The following MAGI2 variants were observed in gnomAD, a reference collection of about 807,000 sequenced individuals.
MAGI2 encodes membrane-associated guanylate kinase, WW and PDZ domain-containing protein 2.
A neutral mutation model predicts 133.3 loss-of-function variants in MAGI2; 35 were observed. The ratio of observed to expected loss-of-function variants is 0.26; its 90% CI spans 0.20 to 0.35. The LOEUF is 0.35. Among genes scored for constraint, MAGI2 ranks in the 10% least tolerant of loss-of-function variants. MAGI2 has a pLI of 1.00. For synonymous variants in MAGI2, 729 were observed against 710.6 expected (o/e 1.03, Z -0.41); for missense variants, 1,636 against 1,863.4 (o/e 0.88, Z 2.25).
chr7:79,074,682 A>T (rs1029031614), intron 1 of MAGI2, among the ~76,000 whole-genome samples: 1 of 152,212 alleles, frequency 6.6e-6, no homozygotes, highest in Admixed American at 6.5e-5. Flanking sequence ...GTGAAAATCA[A>T]TGTGAGGATA....
At chr7:78,827,553 A>G (rs531875255) in intron 2 of MAGI2, among the ~76,000 whole-genome samples, 2 of 152,310 alleles carry the variant, frequency 1.3e-5, no homozygotes, top group East Asian at 1.9e-4. Context: ...CTGGGAATAC[A>G]TGGCGGCTCA....
At chr7:78,421,498 T>A (rs1386866070) in intron 6 of MAGI2, among the ~76,000 whole-genome samples, 1 of 152,046 alleles carries the variant, frequency 6.6e-6, no homozygotes, top group Non-Finnish European at 1.5e-5. Flanking sequence ...TCGTCACATA[T>A]AAAAAAATAA....
chr7:78,545,640 G>T (rs1391993408), intron 3 of MAGI2, among the ~76,000 whole-genome samples: 2 of 152,168 alleles, frequency 1.3e-5, no homozygotes, highest in South Asian at 4.1e-4. Flanking sequence ...TAATGACATT[G>T]TTGGTAGAAT....
chr7:79,122,723 C>A (rs1820016570), intron 1 of MAGI2, among the ~76,000 whole-genome samples: 1 of 151,488 alleles, frequency 6.6e-6, no homozygotes, highest in South Asian at 2.1e-4. Context: ...TGACTCACTG[C>A]AACCTCCGCC....
intron 2 of MAGI2, among the ~76,000 whole-genome samples, chr7:78,878,795 G>A (rs192455685): frequency 3.3e-5 from 5 of 152,282 alleles, no homozygotes; most frequent in Admixed American, 1.3e-4. Context: ...TGCCCAGGCA[G>A]ATCTTCATAC....
intron 1 of MAGI2, among the ~76,000 whole-genome samples, chr7:79,404,854 T>G (rs989170989): frequency 1.3e-5 from 2 of 152,134 alleles, no homozygotes; most frequent in Non-Finnish European, 2.9e-5. Context: ...AGGTCCACCT[T>G]CCTAAGGGGA....
chr7:79,081,823 AC>A (rs1390626680), intron 1 of MAGI2, among the ~76,000 whole-genome samples: 1 of 152,042 alleles, frequency 6.6e-6, no homozygotes, highest in African/African-American at 2.4e-5. Context: ...TCAGACATAG[AC>A]CCTTCATAAA....
chr7:78,913,456 C>T (rs1798565433), intron 2 of MAGI2, among the ~76,000 whole-genome samples: 1 of 152,108 alleles, frequency 6.6e-6, no homozygotes, highest in Non-Finnish European at 1.5e-5. Flanking sequence ...AGAAGCTGAG[C>T]AGAAACCACT....
At chr7:78,873,855 G>A (rs1439456653) in intron 2 of MAGI2, among the ~76,000 whole-genome samples, 1 of 151,986 alleles carries the variant, frequency 6.6e-6, no homozygotes. Flanking sequence ...GCAGCATAGA[G>A]CAAAGGAGAG....
chr7:78,701,819 C>T (rs934576503), intron 2 of MAGI2, among the ~76,000 whole-genome samples: 6 of 151,972 alleles, frequency 3.9e-5, no homozygotes, highest in Admixed American at 6.6e-5. Flanking sequence ...CACGTTTTCA[C>T]TTTTCCTTAA....
chr7:78,503,095 T>C (rs1794763100), intron 4 of MAGI2, among the ~76,000 whole-genome samples: 1 of 152,090 alleles, frequency 6.6e-6, no homozygotes, highest in East Asian at 1.9e-4. Flanking sequence ...ACCTTTTATC[T>C]GTAATACTCT....
intron 21 of MAGI2, chr7:78,072,624 C>T (rs1814831044): frequency 3.4e-6 from 1 of 296,914 alleles, no homozygotes; most frequent in Non-Finnish European, 6.1e-6. Context: ...AAAGGATGTA[C>T]TCAGCAGATA....
chr7:78,802,023 A>G (rs1395967669), intron 2 of MAGI2, among the ~76,000 whole-genome samples: 1 of 152,184 alleles, frequency 6.6e-6, no homozygotes. Flanking sequence ...TGAATAATCC[A>G]TTATCAAGAG....
intron 1 of MAGI2, among the ~76,000 whole-genome samples, chr7:79,155,260 A>ATTTCCTATGATC (rs1554386310): frequency 3.3e-5 from 5 of 151,718 alleles, no homozygotes; most frequent in African/African-American, 4.8e-5. Flanking sequence ...TGAATAATCA[A>ATTTCCTATGATC]TTTCACTTAT....
intron 2 of MAGI2, among the ~76,000 whole-genome samples, chr7:78,691,972 A>T (rs1007268465): frequency 6.6e-5 from 10 of 152,192 alleles, no homozygotes; most frequent in African/African-American, 2.2e-4. Context: ...TGGGCATGTT[A>T]ATAATGGGAA....
At chr7:78,781,386 A>G (rs1826386817) in intron 2 of MAGI2, among the ~76,000 whole-genome samples, 1 of 151,368 alleles carries the variant, frequency 6.6e-6, no homozygotes, top group South Asian at 2.1e-4. Flanking sequence ...CTCACAAAAA[A>G]AAAAAAAAAA....
chr7:78,169,543 G>T (rs543150961), intron 14 of MAGI2, among the ~76,000 whole-genome samples: 4 of 152,276 alleles, frequency 2.6e-5, no homozygotes, highest in Admixed American at 6.5e-5. Flanking sequence ...TGAACACCCA[G>T]GACTTCTCAG....
chr7:79,115,854 G>GTTTTTTTTTTTT (rs59398227), intron 1 of MAGI2, among the ~76,000 whole-genome samples: 1 of 93,946 alleles, frequency 1.1e-5, no homozygotes, highest in Non-Finnish European at 1.9e-5. Context: ...ATGTTTTAAA[G>GTTTTTTTTTTTT]TTTTTTTTTT....
At chr7:79,255,169 C>A (rs1300160813) in intron 1 of MAGI2, among the ~76,000 whole-genome samples, 1 of 152,154 alleles carries the variant, frequency 6.6e-6, no homozygotes, top group African/African-American at 2.4e-5. Flanking sequence ...ACACCCATAT[C>A]CCATGAAAAA....
Sources: gnomAD v4.1 joint callset for allele counts (sites outside exome capture counted in the v4.1 genomes callset) on GRCh38, gnomAD v4.1.1 for gene constraint, MANE v1.5 for transcripts, NCBI Gene and HGNC (gene_info 2026-07-23, HGNC 2026-07-21) for gene names.